Variants in RHOT2 observed in about 807,000 individuals in gnomAD.
RHOT2 encodes the protein ras homolog family member T2.
In RHOT2, 90 loss-of-function variants were observed where a neutral mutation model predicts 81.6. That is an observed-to-expected ratio of 1.10 (90% CI 0.93 to 1.31). The LOEUF (loss-of-function observed/expected upper bound fraction) is 1.31. Ranked by LOEUF, RHOT2 falls within the 40% of genes most tolerant of loss-of-function variation. RHOT2 has a pLI of 0.00. For missense variants in RHOT2, 1,014 were observed against 841.9 expected, an observed-to-expected ratio of 1.20 and a Z score of -2.53; for synonymous variants, 512 against 370.9, an observed-to-expected ratio of 1.38 and a Z score of -4.37.
At position 672,827 on chromosome 16, in the gene RHOT2, T is replaced by G. The variant is rs777880420; in HGVS notation, c.1527+2T>G. On this transcript the variant is annotated splice_donor_variant, in intron 17 of 18. Transcript: ENST00000315082. LOFTEE classifies it high-confidence loss of function. ...GCACATTGTGCCAGCGTCTACAAGGTGGGGCCCTGCAGGGGCCACGTGGCC... is the reference window on the plus strand; with the variant it reads ...GCACATTGTGCCAGCGTCTACAAGGGGGGGCCCTGCAGGGGCCACGTGGCC... 3.7e-6 allele frequency: 6 copies of G among 1,612,450 alleles called. No homozygotes were observed. The highest frequency in any genetic ancestry group is 3.3e-5 in the Admixed American group (2 of 60,010).
intron 5 of RHOT2, 189 bp downstream of exon 5, chr16:669,795 C>T: frequency 1.5e-6 from 1 of 652,178 alleles, no homozygotes; most frequent in Non-Finnish European, 2.7e-6. Flanking sequence ...TCTGGGGCGT[C>T]CCGCAGTCTG....
In RHOT2 at chr16:671,706, G is replaced by GC. The variant is rs748500992; in HGVS notation, c.885dup (p.Gly296ArgfsTer19). The GC allele has an allele frequency of 2.8e-5, 45 of 1,611,924 alleles. No homozygotes were observed. Among genetic ancestry groups the GC allele is most frequent in the Non-Finnish European group, 3.6e-5 (43 of 1,179,474 alleles). Reference sequence around the variant, plus strand: ...TGTGGCCTCCCTGCAGGATCCACGTGCCCCCCGGCTGCAGCACGGAGCTCA... The same window carrying GC: ...TGTGGCCTCCCTGCAGGATCCACGTGCCCCCCCGGCTGCAGCACGGAGCTCA... On this transcript the variant is annotated frameshift_variant, in exon 12 of 19. Coordinates refer to ENST00000315082, the MANE Select transcript of RHOT2 (RefSeq NM_138769.3). LOFTEE classifies it high-confidence loss of function.
intron 13 of RHOT2, 29 bp from the exon 14 acceptor site, chr16:672,055 C>A: frequency 1.2e-6 from 2 of 1,612,262 alleles, no homozygotes; most frequent in Non-Finnish European, 1.7e-6. Context: ...CCCACCATAA[C>A]ACTGTGCCTG....
At chr16:670,425 C>T (rs757197150) in intron 7 of RHOT2, 31 bp from the exon 8 acceptor site, 7 of 1,605,610 alleles carry the variant, frequency 4.4e-6, no homozygotes, top group East Asian at 2.2e-5. Flanking sequence ...CTCCTCGGGG[C>T]ACTTCCCTGA....
rs750944153 is a variant in RHOT2 at position 671,162 on chromosome 16, C to T, written c.828C>T (p.Tyr276=). 3.1e-6 allele frequency: 5 copies of T among 1,591,356 alleles called. No individual in the cohort carries two copies. In the East Asian group the frequency reaches 6.7e-5, roughly 21 times the overall value. The change falls in exon 11 of 19, where the codon TAC becomes TAT. Residue 276 remains tyrosine (Y), a synonymous_variant. Transcript: ENST00000315082. ...GGACCATCCTGCGGCGCTTCGGCTA[C>T]AGCGATGCCCTGGAGCTGACTGCGG... ...TTWTILRRFG[Y]SDALELTADY... is the part of the protein sequence containing the mutation.
At chr16:671,636 T>C (rs1278931979) in intron 11 of RHOT2, 61 bp from the exon 12 acceptor site, 3 of 1,545,312 alleles carry the variant, frequency 1.9e-6, no homozygotes, top group Non-Finnish European at 1.8e-6. Flanking sequence ...GGGTGACAGA[T>C]GGGCTGAGCG....
At chr16:670,629 A>C (rs771708618) in intron 8 of RHOT2, 46 bp from the exon 9 acceptor site, 3 of 1,603,436 alleles carry the variant, frequency 1.9e-6, no homozygotes, top group Non-Finnish European at 2.6e-6. Flanking sequence ...GCGGTGTGGC[A>C]GGTCGGCGTG....
chr16:671,245 C>T, intron 11 of RHOT2, 42 bp downstream of exon 11: 1 of 1,513,220 alleles, frequency 6.6e-7, no homozygotes, highest in Non-Finnish European at 8.8e-7. Context: ...CCCCGAGGGT[C>T]AGGAGCTGAC....
chr16:669,776 C>T (rs183812221), intron 5 of RHOT2, 170 bp downstream of exon 5: 2 of 694,336 alleles, frequency 2.9e-6, no homozygotes, highest in African/African-American at 3.5e-5. Context: ...CCCACTTCCC[C>T]TGAGAGGGTC....
chr16:670,640 G>C (rs2038764355), intron 8 of RHOT2, 35 bp from the exon 9 acceptor site: 4 of 1,607,552 alleles, frequency 2.5e-6, no homozygotes, highest in Admixed American at 3.3e-5. Flanking sequence ...GGTCGGCGTG[G>C]GTCACCTGAG....
At position 674,023 on chromosome 16, in the gene RHOT2, A is replaced by C. The variant is rs939630191; in HGVS notation, c.*417A>C. 2 of 325,072 alleles carry C rather than the reference A, an allele frequency of 6.2e-6. No homozygotes were observed. The highest frequency in any genetic ancestry group is 1.2e-5 in the Non-Finnish European group (2 of 161,816). 20.1% of individuals were successfully genotyped at this position (325,072 alleles called of 1,614,324 possible). On this transcript the variant is annotated 3_prime_UTR_variant, in exon 19 of 19. Coordinates refer to ENST00000315082, the MANE Select transcript of RHOT2 (RefSeq NM_138769.3). ...GCTGGAAGGCAGAGCTTTGGGCCAA[A>C]AGCAGGCGTTGGGGGGTCCCCCCTC... is the stretch of plus-strand genomic sequence containing the variant.
rs1315324114 is a variant in RHOT2, at chr16:672,731, TG to T, written c.1435del (p.Ala479ProfsTer13). 1 of 1,612,388 alleles carries T rather than the reference TG, an allele frequency of 6.2e-7. No individual in the cohort carries two copies. Among genetic ancestry groups the T allele is most frequent in the Non-Finnish European group, 8.5e-7 (1 of 1,179,982 alleles). Reference sequence around the variant, plus strand: ...TGTGAGGTGGGCACAGATGGTCTGCTGGCCACATCGCTGGACGCCACCTGTG... The same window carrying T: ...TGTGAGGTGGGCACAGATGGTCTGCTGCCACATCGCTGGACGCCACCTGTG... ...ILCEVGTDGL[L>X]ATSLDATCDV... On this transcript the variant is annotated frameshift_variant, in exon 17 of 19. Coordinates refer to ENST00000315082, the MANE Select transcript of RHOT2 (RefSeq NM_138769.3). LOFTEE classifies it high-confidence loss of function.
chr16:671,568 G>T, intron 11 of RHOT2, 129 bp from the exon 12 acceptor site: 4 of 1,009,394 alleles, frequency 4.0e-6, no homozygotes, highest in Non-Finnish European at 5.9e-6. Context: ...AAGGTCGGGG[G>T]CGTACAGGAG....
At position 672,379 on chromosome 16, in the gene RHOT2, C is replaced by G. The variant is rs745974761; in HGVS notation, c.1321C>G (p.Leu441Val). Residue 441 changes from leucine (L) to valine (V), a missense_variant, in exon 15 of 19, where the codon CTG becomes GTG. Coordinates refer to ENST00000315082, the MANE Select transcript of RHOT2 (RefSeq NM_138769.3). ...AFLQAFLGRG[L>V]GHQDTREQPP... ...CCTGCAGGCCTTTCTCGGCCGCGGCCTGGGGGTAAGCACCCTAGACTCCCC... is the reference window on the plus strand; with the variant it reads ...CCTGCAGGCCTTTCTCGGCCGCGGCGTGGGGGTAAGCACCCTAGACTCCCC... 69 of 1,609,724 alleles carry G rather than the reference C, an allele frequency of 4.3e-5. 1 individual carries two copies. In the South Asian group the frequency reaches 7.6e-4, roughly 18 times the overall value.
At chr16:669,160 A>T in intron 4 of RHOT2, 1 of 389,960 alleles carries the variant, frequency 2.6e-6, no homozygotes, top group Non-Finnish European at 4.7e-6. Flanking sequence ...GTCTGTAGCG[A>T]GGGGGGAGGC....
intron 4 of RHOT2, chr16:668,906 G>T: frequency 1.8e-6 from 1 of 546,756 alleles, no homozygotes; most frequent in East Asian, 3.3e-5. Context: ...GGGATAACAG[G>T]ACCCTTCCCC....
Position 670,864 on chromosome 16 carries a change from A to G in RHOT2, c.640-28A>G, listed in dbSNP as rs777555130. The G allele has an allele frequency of 1.9e-6, 3 of 1,584,776 alleles. No individual in the cohort carries two copies. The African/African-American group carries it at 4.0e-5, about 21-fold the overall frequency. On this transcript the variant is annotated intron_variant, in intron 9 of 18. Transcript: ENST00000315082. ...CGGGTCGTCTCCGGGTGGCTGGCTG[A>G]CTCCCAACAACGTTCTCTCGGAAGC...
chr16:671,619 G>T (rs570842233), intron 11 of RHOT2, 78 bp from the exon 12 acceptor site: 3 of 1,482,168 alleles, frequency 2.0e-6, no homozygotes, highest in Admixed American at 3.5e-5. Flanking sequence ...CACCGATGGG[G>T]CTGGCAGGGT....
intron 4 of RHOT2, chr16:669,303 T>C: frequency 1.8e-6 from 1 of 569,976 alleles, no homozygotes; most frequent in Non-Finnish European, 3.1e-6. Context: ...GCACTGGCAG[T>C]GGGCGGGGAA....
Sources: gnomAD v4.1 joint callset for allele counts on GRCh38, gnomAD v4.1.1 for gene constraint, MANE v1.5 for transcripts, NCBI Gene and HGNC (gene_info 2026-07-23, HGNC 2026-07-21) for gene names.